The following DPP10 variants were observed in gnomAD, a reference collection of about 807,000 sequenced individuals.
The protein encoded by DPP10 is dipeptidyl peptidase like 10, also known as inactive dipeptidyl peptidase 10.
A neutral mutation model predicts 120.9 loss-of-function variants in DPP10; 33 were observed. That is an observed-to-expected ratio of 0.27 (90% CI 0.21 to 0.37). The LOEUF is 0.37. Ranked by LOEUF, DPP10 falls within the 10% of genes least tolerant of loss-of-function variation. The pLI is 1.00. For synonymous variants in DPP10, 337 were observed against 326.1 expected (o/e 1.03, Z -0.36); for missense variants, 816 against 942.8 (o/e 0.87, Z 1.76).
At chr2:115,789,554 CT>C (rs1034631974) in intron 17 of DPP10, among the ~76,000 whole-genome samples, 2 of 152,158 alleles carry the variant, frequency 1.3e-5, no homozygotes, top group African/African-American at 4.8e-5. Context: ...TGCCTGAGGA[CT>C]GGGAAAGTCA....
intron 3 of DPP10, among the ~76,000 whole-genome samples, chr2:115,443,879 C>T (rs1275131915): frequency 6.6e-6 from 1 of 152,158 alleles, no homozygotes; most frequent in African/African-American, 2.4e-5. Flanking sequence ...GAGTCTGTTT[C>T]GTGCATTGCA....
intron 1 of DPP10, among the ~76,000 whole-genome samples, chr2:115,074,124 G>A (rs987033885): frequency 3.3e-5 from 5 of 152,064 alleles, no homozygotes; most frequent in East Asian, 1.9e-4. Context: ...TGATCCTCCT[G>A]CCTTAGCTTC....
chr2:115,778,316 T>C (rs1298736498), intron 15 of DPP10, among the ~76,000 whole-genome samples: 1 of 152,064 alleles, frequency 6.6e-6, no homozygotes, highest in African/African-American at 2.4e-5. Context: ...AGTGAGATTG[T>C]TGCAGGAGGA....
intron 1 of DPP10, among the ~76,000 whole-genome samples, chr2:115,036,669 C>T (rs983789174): frequency 1.3e-5 from 2 of 152,070 alleles, no homozygotes; most frequent in African/African-American, 4.8e-5. Flanking sequence ...TGCATGTGAG[C>T]ACTATTGGTT....
chr2:114,497,429 A>AGATGCATC (rs1372955209), intron 1 of DPP10, among the ~76,000 whole-genome samples: 9 of 150,634 alleles, frequency 6.0e-5, no homozygotes, highest in African/African-American at 2.2e-4. Flanking sequence ...GCATCTATAT[A>AGATGCATC]TATATGCATA....
chr2:114,450,376 A>G (rs1200506767), intron 1 of DPP10, among the ~76,000 whole-genome samples: 1 of 151,994 alleles, frequency 6.6e-6, no homozygotes, highest in Non-Finnish European at 1.5e-5. Flanking sequence ...TTTGAGTTAT[A>G]ATTATTTGTT....
At chr2:115,650,361 G>A (rs1168301228) in intron 5 of DPP10, among the ~76,000 whole-genome samples, 11 of 138,210 alleles carry the variant, frequency 8.0e-5, no homozygotes, top group African/African-American at 1.8e-4. Context: ...TTATCGTCTC[G>A]ATCTTGAAGC....
chr2:115,799,318 T>A (rs2149957742), intron 19 of DPP10, among the ~76,000 whole-genome samples: 1 of 152,180 alleles, frequency 6.6e-6, no homozygotes, highest in East Asian at 1.9e-4. Flanking sequence ...AAAATTATAT[T>A]GATACATATA....
chr2:114,521,520 A>G (rs1239491950), intron 1 of DPP10, among the ~76,000 whole-genome samples: 1 of 152,194 alleles, frequency 6.6e-6, no homozygotes, highest in Non-Finnish European at 1.5e-5. Context: ...TAGAAGATAC[A>G]AATTATGATA....
intron 19 of DPP10, among the ~76,000 whole-genome samples, chr2:115,795,401 C>T (rs547432830): frequency 6.6e-5 from 10 of 152,262 alleles, no homozygotes; most frequent in African/African-American, 2.4e-4. Flanking sequence ...CATATGCTAT[C>T]TTGCCTCCAT....
intron 1 of DPP10, among the ~76,000 whole-genome samples, chr2:114,632,553 C>T (rs1184120634): frequency 1.6e-5 from 2 of 126,968 alleles, no homozygotes; most frequent in African/African-American, 6.0e-5. Flanking sequence ...TGCTCTGTCA[C>T]CCAGGCTGGA....
chr2:114,982,362 C>T (rs1700137434), intron 1 of DPP10, among the ~76,000 whole-genome samples: 1 of 151,978 alleles, frequency 6.6e-6, no homozygotes, highest in African/African-American at 2.4e-5. Context: ...TTCAACTCTT[C>T]TTTTCCAACA....
At chr2:115,485,101 T>G (rs528155049) in intron 3 of DPP10, among the ~76,000 whole-genome samples, 1 of 152,040 alleles carries the variant, frequency 6.6e-6, no homozygotes, top group East Asian at 1.9e-4. Flanking sequence ...TATTAACTTG[T>G]ATAATAGCTG....
At chr2:114,936,631 G>A (rs1042419158) in intron 1 of DPP10, among the ~76,000 whole-genome samples, 2 of 151,838 alleles carry the variant, frequency 1.3e-5, no homozygotes, top group Admixed American at 6.6e-5. Context: ...TGGATCAGAC[G>A]GTGGATCTAC....
At chr2:115,584,297 C>A (rs766941058) in intron 5 of DPP10, among the ~76,000 whole-genome samples, 1 of 152,160 alleles carries the variant, frequency 6.6e-6, no homozygotes, top group East Asian at 1.9e-4. Context: ...CCATTATCTA[C>A]AGCAGAGGTG....
intron 1 of DPP10, among the ~76,000 whole-genome samples, chr2:115,307,974 T>G (rs2061426472): frequency 1.3e-5 from 2 of 152,118 alleles, no homozygotes; most frequent in Non-Finnish European, 2.9e-5. Flanking sequence ...AATTGATCTC[T>G]CCTGGATTTG....
chr2:115,499,187 T>C lies in DPP10; in HGVS notation c.272-323T>C, dbSNP rs548372714. 3.3e-5 allele frequency among the ~76,000 whole-genome samples: 5 copies of C among 152,232 alleles called. No homozygotes were observed. In the South Asian group the frequency reaches 1.0e-3, roughly 32 times the overall value. ...ATCAGTAATGGTTTACTTTAGAGACTGGAGGCACTTCTCTTTGCCCATTTT... is the reference window on the plus strand; with the variant it reads ...ATCAGTAATGGTTTACTTTAGAGACCGGAGGCACTTCTCTTTGCCCATTTT... On this transcript the variant is annotated intron_variant, in intron 3 of 25. Transcript: ENST00000410059.
At chr2:114,966,113 A>G (rs1025697901) in intron 1 of DPP10, among the ~76,000 whole-genome samples, 89 of 152,256 alleles carry the variant, frequency 5.8e-4, no homozygotes, top group African/African-American at 2.0e-3. Flanking sequence ...TATCCCGGGG[A>G]CAGGGAGCAA....
chr2:114,810,651 A>C (rs1483202908), intron 1 of DPP10, among the ~76,000 whole-genome samples: 1 of 152,138 alleles, frequency 6.6e-6, no homozygotes, highest in African/African-American at 2.4e-5. Context: ...CAGTGACTTG[A>C]TGTGTGTGCA....
Sources: gnomAD v4.1 joint callset for allele counts (sites outside exome capture counted in the v4.1 genomes callset) on GRCh38, gnomAD v4.1.1 for gene constraint, MANE v1.5 for transcripts, NCBI Gene and HGNC (gene_info 2026-07-23, HGNC 2026-07-21) for gene names.